Variants in USP40 observed in about 807,000 individuals in gnomAD.
USP40 encodes ubiquitin specific peptidase 40, also known as ubiquitin carboxyl-terminal hydrolase 40.
Under a neutral mutation model 166.2 loss-of-function variants are expected in USP40, and 143 were observed. That is an observed-to-expected ratio of 0.86 (90% CI 0.75 to 0.99). USP40 has a LOEUF of 0.99. Ranked by LOEUF, USP40 falls within the 50% of genes least tolerant of loss-of-function variation. The pLI, the probability that USP40 is intolerant of heterozygous loss-of-function variation, is 0.00. For missense variants in USP40, 1,444 were observed against 1,479.7 expected, an observed-to-expected ratio of 0.98 and a Z score of 0.40; for synonymous variants, 498 against 524.0, an observed-to-expected ratio of 0.95 and a Z score of 0.68.
At chr2:233,505,019 C>T (rs769412018) in intron 21 of USP40, among the ~76,000 whole-genome samples, 15 of 151,898 alleles carry the variant, frequency 9.9e-5, no homozygotes, top group Middle Eastern at 3.4e-3. Context: ...TTTCTAACCA[C>T]GATAAAACTA....
At chr2:233,565,235 A>G in intron 2 of USP40, 121 bp downstream of exon 2, 1 of 807,080 alleles carries the variant, frequency 1.2e-6, no homozygotes, top group South Asian at 1.9e-5. Flanking sequence ...TATGTGCAAC[A>G]ATAAACACAT....
At position 233,477,235 on chromosome 2, in the gene USP40, T is replaced by C; in HGVS notation, c.*157A>G. On this transcript the variant is annotated 3_prime_UTR_variant, in exon 32 of 32. Coordinates refer to ENST00000678225, the MANE Select transcript of USP40 (RefSeq NM_001365479.2). Reference sequence around the variant, plus strand: ...CGTGTTGCAGAGCTAAGTGACTACATGCACTGGCCAGGCCTCAGAGGAGCC... The same window carrying C: ...CGTGTTGCAGAGCTAAGTGACTACACGCACTGGCCAGGCCTCAGAGGAGCC... 1 of 710,382 alleles carries C rather than the reference T, an allele frequency of 1.4e-6. No homozygotes were observed. The highest frequency in any genetic ancestry group is 2.5e-6 in the Non-Finnish European group (1 of 406,554). The allele number at this position is 710,382 out of a possible 1,614,324, so 44.0% of individuals were successfully genotyped here.
chr2:233,527,308 C>T (rs1325065370), intron 13 of USP40, 99 bp downstream of exon 13: 1 of 1,353,958 alleles, frequency 7.4e-7, no homozygotes, highest in African/African-American at 1.5e-5. Flanking sequence ...TCCTAAGCAG[C>T]TTTGAAAAAT....
At chr2:233,527,078 C>A (rs539845193) in intron 13 of USP40, among the ~76,000 whole-genome samples, 7 of 152,284 alleles carry the variant, frequency 4.6e-5, no homozygotes, top group Admixed American at 4.6e-4. Context: ...ACACAACATG[C>A]TCATCTTTAT....
chr2:233,562,857 A>G, intron 2 of USP40, 54 bp from the exon 3 acceptor site: 1 of 1,423,140 alleles, frequency 7.0e-7, no homozygotes, highest in Non-Finnish European at 9.4e-7. Flanking sequence ...ATTTTAAAAA[A>G]TTGTTTTAGA....
In USP40 at chr2:233,489,450, C is replaced by T. The variant is rs746883228; in HGVS notation, c.3046G>A (p.Val1016Ile). 6.8e-6 allele frequency: 11 copies of T among 1,607,248 alleles called. No homozygotes were observed. Among genetic ancestry groups the T allele is most frequent in the Middle Eastern group, 1.6e-4 (1 of 6,078 alleles). ...MTLPPFLEFG[V>I]PSPAHLRAWT... Reference sequence around the variant, plus strand: ...GCTCTGAGGTGGGCTGGGGACGGGACACCGAACTCCAGGAAAGGAGGCAAG... The same window carrying T: ...GCTCTGAGGTGGGCTGGGGACGGGATACCGAACTCCAGGAAAGGAGGCAAG... Residue 1016 changes from valine to isoleucine, a missense_variant, in exon 27 of 32, where the codon GTC becomes ATC. Physicochemically the swap from Val to Ile is conservative, Grantham distance 29. Coordinates refer to ENST00000678225, the MANE Select transcript of USP40 (RefSeq NM_001365479.2).
At chr2:233,535,064 G>A (rs1176158358) in intron 10 of USP40, among the ~76,000 whole-genome samples, 1 of 152,172 alleles carries the variant, frequency 6.6e-6, no homozygotes, top group African/African-American at 2.4e-5. Context: ...TTGTAGCAGT[G>A]CATGATGGAA....
chr2:233,496,872 T>C (rs759247921), intron 23 of USP40, 40 bp from the exon 24 acceptor site: 4 of 1,505,002 alleles, frequency 2.7e-6, no homozygotes, highest in Non-Finnish European at 3.7e-6. Flanking sequence ...TTATGACTTC[T>C]GAAAGGAGCA....
intron 28 of USP40, 100 bp downstream of exon 28, chr2:233,488,139 A>T: frequency 1.1e-6 from 1 of 940,818 alleles, no homozygotes. Flanking sequence ...ACTTAGAAGC[A>T]GTGAAAAAAA....
intron 28 of USP40, chr2:233,487,920 G>C (rs10929178): frequency 0.11 from 64,134 of 571,540 alleles, 3,939 homozygotes; most frequent in African/African-American, 0.17. Context: ...TGAATCCGTT[G>C]GATGGCAGAC....
At chr2:233,482,803 G>C (rs1340784293) in intron 30 of USP40, among the ~76,000 whole-genome samples, 3 of 152,112 alleles carry the variant, frequency 2.0e-5, no homozygotes, top group African/African-American at 4.8e-5. Context: ...CAGAGCGTTG[G>C]GATTACAGGC....
At chr2:233,535,502 T>C (rs903082798) in intron 10 of USP40, among the ~76,000 whole-genome samples, 9 of 152,200 alleles carry the variant, frequency 5.9e-5, no homozygotes, top group Non-Finnish European at 1.0e-4. Context: ...CCACAGGCCA[T>C]AGTTAGCTGA....
At chr2:233,560,816 G>GT in intron 3 of USP40, 1 of 501,706 alleles carries the variant, frequency 2.0e-6, no homozygotes, top group East Asian at 3.0e-5. Context: ...TTTGTGTGGG[G>GT]TGGAGAGGTC....
At position 233,533,739 on chromosome 2, in the gene USP40, T is replaced by C. The variant is rs1210893866; in HGVS notation, c.1211A>G (p.Asp404Gly). The change falls in exon 11 of 32, where the codon GAT becomes GGT. Residue 404 changes from aspartate to glycine, a missense_variant. By Grantham distance (94) the Asp-to-Gly change is moderately conservative. Transcript: ENST00000678225. ...LHSQIFLLSS[D>G]ESTVRLLKNS... Reference sequence around the variant, plus strand: ...CTTCAAGAGACGAACTGTACTTTCATCTGAACTGAGTAGAAATATCTGAGA... The same window carrying C: ...CTTCAAGAGACGAACTGTACTTTCACCTGAACTGAGTAGAAATATCTGAGA... The C allele has an allele frequency of 6.2e-7, 1 of 1,611,298 alleles. No individual in the cohort carries two copies. Among genetic ancestry groups the C allele is most frequent in the Non-Finnish European group, 8.5e-7 (1 of 1,178,714 alleles).
In USP40 at chr2:233,529,211, G is replaced by T. The variant is rs777600683; in HGVS notation, c.1553+220C>A. Among the ~76,000 whole-genome samples the T allele has an allele frequency of 1.3e-5, 2 of 152,144 alleles. 1 individual carries two copies. The highest frequency in any genetic ancestry group is 2.9e-5 in the Non-Finnish European group (2 of 68,018). ...AGGCTTCGATCCCTACTTAGCAATG[G>T]CTGTTTTATATGTCACCATTTAATT... On this transcript the variant is annotated intron_variant, in intron 12 of 31. Coordinates refer to ENST00000678225, the MANE Select transcript of USP40 (RefSeq NM_001365479.2).
chr2:233,481,518 AC>A, intron 30 of USP40: 1 of 553,404 alleles, frequency 1.8e-6, no homozygotes, highest in Non-Finnish European at 3.2e-6. Context: ...CAGCCATCTG[AC>A]CTTTCCCTTC....
Position 233,480,202 on chromosome 2 carries a change from G to T in USP40, c.3599+1001C>A, listed in dbSNP as rs534383210. On this transcript the variant is annotated intron_variant, in intron 31 of 31. Coordinates refer to ENST00000678225, the MANE Select transcript of USP40 (RefSeq NM_001365479.2). This position sits in a 1 kb window ranked among gnomAD's most constrained non-coding sequence, Gnocchi z 4.5. ...AGGGCATGCAGTCCCTGGCACACGG[G>T]CAGCCAAGATACTGAGGGGCAGAAG... Among the ~76,000 whole-genome samples, 125 of 152,326 alleles carry T rather than the reference G, an allele frequency of 8.2e-4. 2 individuals are homozygous for T. The highest frequency in any genetic ancestry group is 8.2e-3 in the Admixed American group (125 of 15,302).
At chr2:233,538,425 A>T (rs2125301149) in intron 10 of USP40, among the ~76,000 whole-genome samples, 1 of 152,318 alleles carries the variant, frequency 6.6e-6, no homozygotes, top group South Asian at 2.1e-4. Flanking sequence ...AATAAACTTG[A>T]TAAACCCCAG....
At chr2:233,519,724 A>C in intron 17 of USP40, 53 bp from the exon 18 acceptor site, 1 of 1,025,022 alleles carries the variant, frequency 9.8e-7, no homozygotes, top group South Asian at 1.5e-5. Context: ...GGAGGAGATG[A>C]AAATGAGGAT....
Sources: gnomAD v4.1 joint callset for allele counts (sites outside exome capture counted in the v4.1 genomes callset) on GRCh38, gnomAD v4.1.1 for gene constraint, Gnocchi (gnomAD v3.1) non-coding constraint, MANE v1.5 for transcripts, NCBI Gene and HGNC (gene_info 2026-07-23, HGNC 2026-07-21) for gene names.